Variants in NRXN3 observed in about 807,000 individuals in gnomAD.
NRXN3 encodes the protein neurexin 3.
Under a neutral mutation model 137.6 loss-of-function variants are expected in NRXN3, and 32 were observed. The ratio of observed to expected loss-of-function variants is 0.23; its 90% confidence interval spans 0.18 to 0.31. NRXN3 has a LOEUF of 0.31. Ranked by LOEUF, NRXN3 falls within the 10% of genes least tolerant of loss-of-function variation. The pLI is 1.00. For synonymous variants in NRXN3, 798 were observed against 784.5 expected (o/e 1.02, Z -0.29); for missense variants, 1,574 against 2,062.5 (o/e 0.76, Z 4.59).
chr14:79,434,462 TCA>T, intron 15 of NRXN3, among the ~76,000 whole-genome samples: 1 of 152,318 alleles, frequency 6.6e-6, no homozygotes, highest in East Asian at 1.9e-4. Context: ...TCAAGGCCTC[TCA>T]GAGTGGGTCA....
intron 4 of NRXN3, among the ~76,000 whole-genome samples, chr14:78,637,664 C>T (rs550252393): frequency 2.1e-4 from 32 of 152,314 alleles, no homozygotes; most frequent in Admixed American, 1.1e-3. Flanking sequence ...CTGCCAAACC[C>T]GCATCTGTCT....
chr14:79,224,476 C>T (rs77401963), intron 15 of NRXN3, among the ~76,000 whole-genome samples: 4,189 of 152,190 alleles, frequency 0.028, 139 homozygotes, highest in South Asian at 0.086. Flanking sequence ...ATATTCTTAT[C>T]ACTTCACAGG....
intron 19 of NRXN3, among the ~76,000 whole-genome samples, chr14:79,743,712 T>G (rs2098970334): frequency 6.6e-6 from 1 of 152,178 alleles, no homozygotes; most frequent in African/African-American, 2.4e-5. Context: ...GCTTCTATGA[T>G]GTACTATTCC....
chr14:78,186,146 C>T (rs1352517635), intron 1 of NRXN3, among the ~76,000 whole-genome samples: 19 of 152,288 alleles, frequency 1.2e-4, no homozygotes, highest in Admixed American at 1.2e-3. Context: ...CATGGAGGTA[C>T]ATTTGACACA....
At chr14:79,385,664 G>C (rs1236384542) in intron 15 of NRXN3, among the ~76,000 whole-genome samples, 2 of 152,120 alleles carry the variant, frequency 1.3e-5, no homozygotes, top group Non-Finnish European at 2.9e-5. Flanking sequence ...TTCTCACAAG[G>C]TTTGGCTGTT....
At chr14:78,614,944 C>T (rs1432346154) in intron 4 of NRXN3, 1 of 456,604 alleles carries the variant, frequency 2.2e-6, no homozygotes, top group East Asian at 7.0e-5. Context: ...CTTCAGTGCC[C>T]AGTTTTCTGC....
intron 15 of NRXN3, among the ~76,000 whole-genome samples, chr14:79,376,270 A>T (rs2094298017): frequency 7.9e-6 from 1 of 126,596 alleles, no homozygotes. Context: ...ATATATACAC[A>T]TACATATGAC....
At chr14:79,528,246 G>C (rs1287265814) in intron 16 of NRXN3, among the ~76,000 whole-genome samples, 1 of 152,134 alleles carries the variant, frequency 6.6e-6, no homozygotes, top group African/African-American at 2.4e-5. Flanking sequence ...CACTCAAGCG[G>C]TTAGCACAGA....
intron 6 of NRXN3, among the ~76,000 whole-genome samples, chr14:78,663,129 G>A (rs1225558554): frequency 6.6e-6 from 1 of 152,150 alleles, no homozygotes; most frequent in Non-Finnish European, 1.5e-5. Context: ...CATTCTAAGT[G>A]TTGGAGTTGA....
At chr14:79,441,910 A>G (rs914811546) in intron 15 of NRXN3, among the ~76,000 whole-genome samples, 8 of 151,382 alleles carry the variant, frequency 5.3e-5, no homozygotes, top group African/African-American at 1.7e-4. Flanking sequence ...TTCAGGATAC[A>G]TGTTTTATCA....
chr14:79,811,769 A>C (rs2099234652), intron 20 of NRXN3, among the ~76,000 whole-genome samples: 1 of 151,612 alleles, frequency 6.6e-6, no homozygotes, highest in Non-Finnish European at 1.5e-5. Context: ...TTTTTAGTAG[A>C]GACGGGTTTT....
At chr14:78,770,253 C>A (rs2098722778) in intron 8 of NRXN3, among the ~76,000 whole-genome samples, 1 of 152,210 alleles carries the variant, frequency 6.6e-6, no homozygotes, top group Non-Finnish European at 1.5e-5. Context: ...GGTTTAGGAA[C>A]TGAACCCAGG....
At chr14:78,671,564 G>A (rs1362470729) in intron 6 of NRXN3, among the ~76,000 whole-genome samples, 1 of 151,874 alleles carries the variant, frequency 6.6e-6, no homozygotes, top group Non-Finnish European at 1.5e-5. Flanking sequence ...AAAGTTAAAA[G>A]TATAAAAATA....
chr14:78,219,578 A>G (rs1278979589), intron 1 of NRXN3, among the ~76,000 whole-genome samples: 3 of 152,200 alleles, frequency 2.0e-5, no homozygotes, highest in Non-Finnish European at 4.4e-5. Flanking sequence ...TCGACGTCTT[A>G]ATTTTCCCCA....
intron 15 of NRXN3, among the ~76,000 whole-genome samples, chr14:79,082,218 G>A (rs182642202): frequency 2.9e-4 from 44 of 151,866 alleles, no homozygotes; most frequent in Non-Finnish European, 4.6e-4. Context: ...CTTCATGTAC[G>A]TAAAATTTAG....
At chr14:79,233,394 G>A (rs1279214473) in intron 15 of NRXN3, among the ~76,000 whole-genome samples, 3 of 152,108 alleles carry the variant, frequency 2.0e-5, no homozygotes, top group African/African-American at 7.2e-5. Context: ...ATGCACTCCA[G>A]TACAACTTGG....
intron 15 of NRXN3, among the ~76,000 whole-genome samples, chr14:79,420,280 C>T (rs2095556973): frequency 1.3e-5 from 2 of 152,116 alleles, no homozygotes; most frequent in Non-Finnish European, 2.9e-5. Flanking sequence ...TTTCCAAGAA[C>T]ATGTAAAATA....
intron 15 of NRXN3, among the ~76,000 whole-genome samples, chr14:79,217,237 G>T (rs1005340529): frequency 1.3e-5 from 2 of 152,170 alleles, no homozygotes; most frequent in Admixed American, 6.6e-5. Flanking sequence ...TTAGCTTCTG[G>T]TGAGGTCTCA....
At chr14:79,730,513 T>C (rs2098918133) in intron 19 of NRXN3, among the ~76,000 whole-genome samples, 1 of 152,206 alleles carries the variant, frequency 6.6e-6, no homozygotes, top group Admixed American at 6.5e-5. Flanking sequence ...TCCAGACACA[T>C]TAGTGAATCA....
Sources: gnomAD v4.1 joint callset for allele counts (sites outside exome capture counted in the v4.1 genomes callset) on GRCh38, gnomAD v4.1.1 for gene constraint, MANE v1.5 for transcripts, NCBI Gene and HGNC (gene_info 2026-07-23, HGNC 2026-07-21) for gene names.